Variants in DNHD1 observed in about 807,000 individuals in gnomAD.
DNHD1 encodes dynein heavy chain domain 1.
A neutral mutation model predicts 458.1 loss-of-function variants in DNHD1; 383 were observed. The observed-to-expected ratio is 0.84, with a 90% CI of 0.77 to 0.91. The LOEUF (loss-of-function observed/expected upper bound fraction) is 0.91. Among genes scored for constraint, DNHD1 ranks in the 40% least tolerant of loss-of-function variants. The pLI is 0.00. For missense variants in DNHD1, 5,336 were observed against 5,866.1 expected, an observed-to-expected ratio of 0.91 and a Z score of 2.95; for synonymous variants, 2,203 against 2,376.9, an observed-to-expected ratio of 0.93 and a Z score of 2.13.
intron 32 of DNHD1, 123 bp from the exon 33 acceptor site, chr11:6,565,572 C>A: frequency 1.8e-6 from 2 of 1,089,980 alleles, no homozygotes; most frequent in Non-Finnish European, 2.6e-6. Flanking sequence ...AGAGCTTAAG[C>A]AACTTTCCTA....
intron 7 of DNHD1, among the ~76,000 whole-genome samples, chr11:6,516,887 T>C (rs1852481828): frequency 6.6e-6 from 1 of 152,236 alleles, no homozygotes; most frequent in African/African-American, 2.4e-5. Flanking sequence ...ATTACTCTTA[T>C]ATTGGTATCT....
chr11:6,538,326 C>G, intron 14 of DNHD1, 57 bp from the exon 15 acceptor site: 9 of 1,531,392 alleles, frequency 5.9e-6, no homozygotes, highest in Non-Finnish European at 8.0e-6. Context: ...GATCATTCCA[C>G]CACCCCCCTC....
chr11:6,546,428 C>T lies in DNHD1; in HGVS notation c.5489C>T (p.Pro1830Leu). Residue 1830 changes from proline to leucine, a missense_variant, in exon 21 of 43, where the codon CCT becomes CTT. Pro to Leu is a moderately conservative substitution (Grantham distance 98). Transcript: ENST00000254579. ...CTGCGGCCTGTGGCATTGGCATTGCCTGATCTGCGGCAAGTGGCAGAGCTG... is the reference window on the plus strand; with the variant it reads ...CTGCGGCCTGTGGCATTGGCATTGCTTGATCTGCGGCAAGTGGCAGAGCTG... Reference protein sequence around the residue: ...LLLRPVALALPDLRQVAELTL... With the variant: ...LLLRPVALALLDLRQVAELTL... 2 of 1,551,744 alleles carry T rather than the reference C, an allele frequency of 1.3e-6. No individual in the cohort carries two copies. Among genetic ancestry groups the T allele is most frequent in the Non-Finnish European group, 1.7e-6 (2 of 1,147,046 alleles).
intron 19 of DNHD1, 105 bp from the exon 20 acceptor site, chr11:6,544,469 G>T: frequency 9.3e-7 from 1 of 1,072,964 alleles, no homozygotes. Flanking sequence ...AGAGTATTTT[G>T]CTTGGGCTGG....
rs1564820148 is a variant in DNHD1, at chr11:6,557,205, T to C, written c.7910T>C (p.Met2637Thr). 1 of 1,551,686 alleles carries C rather than the reference T, an allele frequency of 6.4e-7. No homozygotes were observed. The highest frequency in any genetic ancestry group is 1.4e-5 in the African/African-American group (1 of 73,196). The change falls in exon 25 of 43, where the codon ATG becomes ACG. Residue 2637 changes from methionine to threonine, a missense_variant. Met to Thr is a moderately conservative substitution (Grantham distance 81). Coordinates refer to ENST00000254579, the MANE Select transcript of DNHD1 (RefSeq NM_144666.3). ...SGLRGTCLTV[M>T]MATRNVVRLW... ...CTGCGAGGCACTTGTCTGACCGTTATGATGGCCACACGCAATGTGGTGCGT... is the reference window on the plus strand; with the variant it reads ...CTGCGAGGCACTTGTCTGACCGTTACGATGGCCACACGCAATGTGGTGCGT...
chr11:6,533,951 C>T lies in DNHD1; in HGVS notation c.2776C>T (p.Leu926=), dbSNP rs1215510488. The T allele has an allele frequency of 1.9e-6, 3 of 1,551,364 alleles. No individual in the cohort carries two copies. The highest frequency in any genetic ancestry group is 2.6e-6 in the Non-Finnish European group (3 of 1,146,970). The change falls in exon 14 of 43, where the codon CTG becomes TTG. Residue 926 remains leucine (L), a synonymous_variant. Coordinates refer to ENST00000254579, the MANE Select transcript of DNHD1 (RefSeq NM_144666.3). Reference sequence around the variant, plus strand: ...TGAGAAAAGCCAGGCTTCAGAGTTCCTGCTCAGCAAGCGACATGCCATTAT... The same window carrying T: ...TGAGAAAAGCCAGGCTTCAGAGTTCTTGCTCAGCAAGCGACATGCCATTAT... ...QFEKSQASEF[L]LSKRHAIMPK...
chr11:6,571,456 A>C lies in DNHD1; in HGVS notation c.13911+33A>C. ...CGCGCCGCCCCTCGTTCGCGGTTCCAGTCCCCTCGAAGTCTCTAATTACAC... is the reference window on the plus strand; with the variant it reads ...CGCGCCGCCCCTCGTTCGCGGTTCCCGTCCCCTCGAAGTCTCTAATTACAC... On this transcript the variant is annotated intron_variant, in intron 42 of 42. Transcript: ENST00000254579. The surrounding 1 kb of genome is among the most constrained non-coding windows in gnomAD (Gnocchi z 5.0). 1 of 1,531,372 alleles carries C rather than the reference A, an allele frequency of 6.5e-7. No homozygotes were observed. Among genetic ancestry groups the C allele is most frequent in the Non-Finnish European group, 8.8e-7 (1 of 1,134,558 alleles). The allele number at this position is 1,531,372 out of a possible 1,614,324, so 94.9% of individuals were successfully genotyped here.
chr11:6,533,748 A>C lies in DNHD1; in HGVS notation c.2573A>C (p.Glu858Ala). The C allele has an allele frequency of 6.4e-7, 1 of 1,551,498 alleles. No individual in the cohort carries two copies. The highest frequency in any genetic ancestry group is 8.7e-7 in the Non-Finnish European group (1 of 1,146,950). The change falls in exon 14 of 43, where the codon GAA becomes GCA. Residue 858 changes from glutamate (E) to alanine (A), a missense_variant. This residue lies in a region of DNHD1 where 3,932 missense variants were observed against 4,365.6 expected (regional missense o/e 0.90). Coordinates refer to ENST00000254579, the MANE Select transcript of DNHD1 (RefSeq NM_144666.3). ...ERMEYVRALH[E>A]LIRNHFSLFS... ...ATGGAATACGTACGGGCACTCCACG[A>C]ACTCATCCGCAACCACTTTAGCCTC...
At position 6,528,904 on chromosome 11, in the gene DNHD1, C is replaced by A; in HGVS notation, c.2130C>A (p.Phe710Leu). 1 of 1,551,724 alleles carries A rather than the reference C, an allele frequency of 6.4e-7. No individual in the cohort carries two copies. The highest frequency in any genetic ancestry group is 1.2e-5 in the South Asian group (1 of 84,062). ...LEGVLCKVQE[F>L]CREHHWITGI... ...GCGTGCTGTGCAAGGTGCAGGAATT[C>A]TGCAGGGAACATCATTGGATAACAG... The change falls in exon 12 of 43, where the codon TTC becomes TTA. Residue 710 changes from phenylalanine (F) to leucine (L), a missense_variant. By Grantham distance (22) the Phe-to-Leu change is conservative (BLOSUM62 0). This residue lies in a region of DNHD1 where 3,932 missense variants were observed against 4,365.6 expected (regional missense o/e 0.90). Coordinates refer to ENST00000254579, the MANE Select transcript of DNHD1 (RefSeq NM_144666.3).
Position 6,545,031 on chromosome 11 carries a change from C to G in DNHD1, c.4092C>G (p.Asp1364Glu). Residue 1364 changes from aspartate (D) to glutamate (E), a missense_variant, in exon 21 of 43, where the codon GAC becomes GAG. Physicochemically the swap from Asp to Glu is conservative, Grantham distance 45. Around this residue, in one of 4 missense-constraint regions of DNHD1, gnomAD observed 3,932 missense variants for 4,365.6 expected, o/e 0.90. Transcript: ENST00000254579. This position sits in a 1 kb window ranked among gnomAD's most constrained non-coding sequence, Gnocchi z 4.9. ...TCCCCCGCCTCTTCTTCCTTAGTGACAGTGAGCTGGTAGCCCTGCTGGCTG... is the reference window on the plus strand; with the variant it reads ...TCCCCCGCCTCTTCTTCCTTAGTGAGAGTGAGCTGGTAGCCCTGCTGGCTG... ...AHFPRLFFLSDSELVALLAAR... is the reference protein window; with the variant it reads ...AHFPRLFFLSESELVALLAAR... 6.4e-7 allele frequency: 1 copy of G among 1,551,876 alleles called. No individual in the cohort carries two copies. Among genetic ancestry groups the G allele is most frequent in the Non-Finnish European group, 8.7e-7 (1 of 1,147,032 alleles).
intron 12 of DNHD1, among the ~76,000 whole-genome samples, chr11:6,530,212 C>T (rs1852797601): frequency 1.3e-5 from 2 of 152,188 alleles, no homozygotes; most frequent in South Asian, 4.1e-4. Flanking sequence ...GGGCTCAAGA[C>T]CATTCTACTA....
intron 32 of DNHD1, 24 bp downstream of exon 32, chr11:6,564,828 T>G: frequency 6.8e-7 from 1 of 1,476,028 alleles, no homozygotes; most frequent in Non-Finnish European, 9.1e-7. Context: ...ATAAATGCAA[T>G]GCTTCCGGAG....
At chr11:6,537,569 G>C (rs189225549) in intron 14 of DNHD1, among the ~76,000 whole-genome samples, 1 of 152,130 alleles carries the variant, frequency 6.6e-6, no homozygotes, top group African/African-American at 2.4e-5. Flanking sequence ...AACAGAGTAA[G>C]AGGGGTTGAA....
Position 6,548,930 on chromosome 11 carries a change from T to A in DNHD1, c.7384T>A (p.Ser2462Thr). 6.4e-7 allele frequency: 1 copy of A among 1,551,518 alleles called. No individual in the cohort carries two copies. Among genetic ancestry groups the A allele is most frequent in the Non-Finnish European group, 8.7e-7 (1 of 1,146,932 alleles). ...FLLEDLHLAT[S>T]DPEKSCQPVL... ...GCTGGAGGACCTGCACCTAGCCACT[T>A]CTGGTGAGGAGCTGCGAAGAGGGAA... Residue 2462 changes from serine to threonine, a missense_variant, in exon 24 of 43, where the codon TCT (serine) becomes ACT (threonine). Around this residue, in one of 4 missense-constraint regions of DNHD1, gnomAD observed 3,932 missense variants for 4,365.6 expected, o/e 0.90. Coordinates refer to ENST00000254579, the MANE Select transcript of DNHD1 (RefSeq NM_144666.3). This position sits in a 1 kb window ranked among gnomAD's most constrained non-coding sequence, Gnocchi z 4.4.
In DNHD1 at chr11:6,567,423, C is replaced by T. The variant is rs1207249349; in HGVS notation, c.11914C>T (p.Pro3972Ser). Residue 3972 changes from proline (P) to serine (S), a missense_variant, in exon 36 of 43, where the codon CCA (proline) becomes TCA (serine). Pro to Ser is a moderately conservative substitution (Grantham distance 74). Coordinates refer to ENST00000254579, the MANE Select transcript of DNHD1 (RefSeq NM_144666.3). Reference sequence around the variant, plus strand: ...CTCTCCCAGCACAGTCCACAGCAAGCCAGTCTCAGATGTGGCTCGACCGGC... The same window carrying T: ...CTCTCCCAGCACAGTCCACAGCAAGTCAGTCTCAGATGTGGCTCGACCGGC... ...AASPSTVHSK[P>S]VSDVARPAWL... The T allele has an allele frequency of 6.2e-7, 1 of 1,613,510 alleles. No homozygotes were observed. Among genetic ancestry groups the T allele is most frequent in the Non-Finnish European group, 8.5e-7 (1 of 1,179,642 alleles).
intron 10 of DNHD1, 80 bp downstream of exon 10, chr11:6,520,369 C>T (rs1852581753): frequency 6.5e-7 from 1 of 1,549,156 alleles, no homozygotes. Context: ...GGGAAGAAGG[C>T]AGGAGGTCCA....
chr11:6,546,627 G>A lies in DNHD1; in HGVS notation c.5688G>A (p.Lys1896=), dbSNP rs16915277. The A allele has an allele frequency of 1.3e-5, 20 of 1,551,344 alleles. No homozygotes were observed. Among genetic ancestry groups the A allele is most frequent in the Middle Eastern group, 3.3e-4 (2 of 6,014 alleles). ...TAAATGTGACCAAGGAGGAACCGAA[G>A]TGCCAGAAGCCTCGCAGCCTAGCTG... The part of the protein sequence containing the change: ...RTLNVTKEEP[K]CQKPRSLAAI... The change falls in exon 21 of 43, where the codon AAG becomes AAA. Residue 1896 remains lysine (K), a synonymous_variant. Transcript: ENST00000254579.
intron 34 of DNHD1, 26 bp downstream of exon 34, chr11:6,566,419 G>A: frequency 1.3e-6 from 2 of 1,556,228 alleles, no homozygotes; most frequent in South Asian, 1.2e-5. Flanking sequence ...CAAATTGCCA[G>A]CACAGTTGTG....
rs61729699 is a variant in DNHD1 at position 6,547,437 on chromosome 11, T to G, written c.6498T>G (p.Tyr2166Ter). The change falls in exon 21 of 43, where the codon TAT (tyrosine) becomes TAG (stop). Residue 2166 changes from tyrosine (Y) to a stop codon, truncating the protein, a stop_gained. Transcript: ENST00000254579. LOFTEE classifies it high-confidence loss of function. ...ILSALMASLP[Y>*]EYRLQHRTVA... ...GTGCCCTGATGGCATCCCTTCCTTA[T>G]GAGTACCGCCTGCAGCACCGGACAG... 3.2e-6 allele frequency: 5 copies of G among 1,551,568 alleles called. No individual in the cohort carries two copies. In the East Asian group the frequency reaches 9.8e-5, roughly 30 times the overall value.
Sources: allele counts gnomAD v4.1 joint callset (sites outside exome capture counted in the v4.1 genomes callset), GRCh38; gene constraint gnomAD v4.1.1; regional missense constraint gnomAD v4.1.1; non-coding constraint Gnocchi (gnomAD v3.1); transcripts MANE v1.5; gene names NCBI Gene and HGNC (gene_info 2026-07-23, HGNC 2026-07-21).